The following ADAP1 variants were observed in gnomAD, a reference collection of about 807,000 sequenced individuals.
ADAP1 encodes the protein arf-GAP with dual PH domain-containing protein 1.
A neutral mutation model predicts 54.9 loss-of-function variants in ADAP1; 31 were observed. The observed-to-expected ratio is 0.56, with a 90% CI of 0.42 to 0.76. The LOEUF (loss-of-function observed/expected upper bound fraction) is 0.76. Ranked by LOEUF, ADAP1 falls within the 30% of genes least tolerant of loss-of-function variation. The probability of loss-of-function intolerance (pLI) is 0.00; values close to 1 mark genes in which losing one functional copy is unlikely to be tolerated. For synonymous variants in ADAP1, 313 were observed against 202.6 expected, an observed-to-expected ratio of 1.55 and a Z score of -4.63; for missense variants, 535 against 512.4, an observed-to-expected ratio of 1.04 and a Z score of -0.42.
chr7:910,331 C>G (rs965893240), intron 4 of ADAP1, among the ~76,000 whole-genome samples: 1 of 152,076 alleles, frequency 6.6e-6, no homozygotes, highest in Non-Finnish European at 1.5e-5. Context: ...CTCACTGCAG[C>G]CTTGACCTTC....
intron 4 of ADAP1, among the ~76,000 whole-genome samples, chr7:909,593 G>A (rs1418157132): frequency 6.6e-6 from 1 of 152,214 alleles, no homozygotes; most frequent in East Asian, 1.9e-4. Context: ...CCTTGGCCTC[G>A]CTGGGGAGGG....
At position 926,502 on chromosome 7, in the gene ADAP1, G is replaced by C. The variant is rs373427042; in HGVS notation, c.305+51C>G. On this transcript the variant is annotated intron_variant, in intron 3 of 10. Transcript: ENST00000265846. This position sits in a 1 kb window ranked among gnomAD's most constrained non-coding sequence, Gnocchi z 4.6. Reference sequence around the variant, plus strand: ...TGCCGGGTCCTCCCGGGGCCATCTCGGAGCCACCCAGCACTTGACCATGGC... The same window carrying C: ...TGCCGGGTCCTCCCGGGGCCATCTCCGAGCCACCCAGCACTTGACCATGGC... 1.7e-3 allele frequency: 2,461 copies of C among 1,458,982 alleles called. 6 individuals are homozygous for C. The highest frequency in any genetic ancestry group is 2.1e-3 in the Non-Finnish European group (2,356 of 1,099,758). 90.4% of individuals were successfully genotyped at this position (1,458,982 alleles called of 1,614,324 possible). A position where few individuals can be genotyped will look rare whatever the true frequency, so the allele number is the denominator to read the frequency against.
At chr7:943,407 G>GT in intron 1 of ADAP1, among the ~76,000 whole-genome samples, 2 of 14,368 alleles carry the variant, frequency 1.4e-4, no homozygotes, top group Non-Finnish European at 2.7e-4. Flanking sequence ...GGAAGGGAGT[G>GT]AGGAGGAAGG....
chr7:934,727 C>A (rs112552660), intron 2 of ADAP1, among the ~76,000 whole-genome samples: 3,262 of 152,290 alleles, frequency 0.021, 115 homozygotes, highest in African/African-American at 0.073. Flanking sequence ...CCTCCCTGCA[C>A]GCCAGGGCTT....
upstream of ADAP1, chr7:954,825 C>A (rs1847348654): frequency 3.2e-6 from 2 of 620,018 alleles, no homozygotes; most frequent in African/African-American, 2.1e-5. Flanking sequence ...GCTGGGAAAT[C>A]GCCCGCCGCC....
intron 5 of ADAP1, 31 bp downstream of exon 5, chr7:905,028 AG>A (rs1432257496): frequency 1.9e-6 from 3 of 1,585,088 alleles, no homozygotes; most frequent in African/African-American, 2.7e-5. Context: ...GCCCTGGGAC[AG>A]GCCCCCACCC....
intron 4 of ADAP1, chr7:905,401 AAAG>A: frequency 4.0e-6 from 1 of 248,246 alleles, no homozygotes; most frequent in South Asian, 5.3e-5. Flanking sequence ...GAGAAAGGAG[AAAG>A]GAGAAAGGGA....
At chr7:927,288 A>T in intron 2 of ADAP1, 1 of 1,217,414 alleles carries the variant, frequency 8.2e-7, no homozygotes, top group Non-Finnish European at 1.1e-6. Context: ...GGAGGCTGTC[A>T]CGCACACTGT....
At chr7:955,398 A>G, upstream of ADAP1, 1 of 1,550,050 alleles carries the variant, frequency 6.5e-7, no homozygotes, top group Non-Finnish European at 8.7e-7. Context: ...CTGAAAACAA[A>G]CTGGAACATA....
chr7:932,360 GT>G, intron 2 of ADAP1, among the ~76,000 whole-genome samples: 1 of 147,892 alleles, frequency 6.8e-6, no homozygotes, highest in South Asian at 2.2e-4. Flanking sequence ...TACATTTAGG[GT>G]TTTTCCAACA....
intron 7 of ADAP1, among the ~76,000 whole-genome samples, 164 bp from the exon 8 acceptor site, chr7:900,328 C>G (rs1328797644): frequency 6.6e-6 from 1 of 152,320 alleles, no homozygotes; most frequent in Non-Finnish European, 1.5e-5. Flanking sequence ...CTTGCCACCC[C>G]TTCCCTCCCC....
intron 3 of ADAP1, chr7:923,066 CACAG>C (rs1394045646): frequency 1.3e-5 from 2 of 152,242 alleles, no homozygotes; most frequent in East Asian, 1.9e-4. Flanking sequence ...GGAATTAGGA[CACAG>C]ACAGGTACGC....
chr7:927,299 G>T lies in ADAP1; in HGVS notation c.214-655C>A, dbSNP rs1846423773. On this transcript the variant is annotated intron_variant, in intron 2 of 10. Transcript: ENST00000265846. ...TCCAGGAGGCTGTCACGCACACTGT[G>T]CTCCTGGCAGGCGCAAAGGCCCTGA... 2.3e-5 allele frequency: 27 copies of T among 1,187,982 alleles called. No homozygotes were observed. The South Asian group carries it at 3.2e-4, about 14-fold the overall frequency. The allele number at this position is 1,187,982 out of a possible 1,614,324, so 73.6% of individuals were successfully genotyped here.
rs1846382616 is a variant in ADAP1, at chr7:926,240, GC to G, written c.305+312del. Among the ~76,000 whole-genome samples the G allele has an allele frequency of 1.3e-5, 2 of 151,882 alleles. No individual in the cohort carries two copies. Among genetic ancestry groups the G allele is most frequent in the African/African-American group, 2.4e-5 (1 of 41,342 alleles). ...GCCCCTCCCGTTCCCCTCCCAGACC[GC>G]CAGGAGCACCTGGGAGGGCCCCTCA... is the stretch of plus-strand genomic sequence containing the variant. On this transcript the variant is annotated intron_variant, in intron 3 of 10. Coordinates refer to ENST00000265846, the MANE Select transcript of ADAP1 (RefSeq NM_006869.4). The surrounding 1 kb of genome is among the most constrained non-coding windows in gnomAD (Gnocchi z 4.6).
At chr7:907,125 T>G (rs892553520) in intron 4 of ADAP1, among the ~76,000 whole-genome samples, 1 of 152,142 alleles carries the variant, frequency 6.6e-6, no homozygotes, top group African/African-American at 2.4e-5. Context: ...AAAGCTCATC[T>G]GAGGGGAGTC....
chr7:902,256 CG>C (rs1238152432), intron 6 of ADAP1, among the ~76,000 whole-genome samples: 2 of 148,966 alleles, frequency 1.3e-5, no homozygotes, highest in Admixed American at 1.3e-4. Flanking sequence ...GTCGGGAGCT[CG>C]AGACCAGCCT....
In ADAP1 at chr7:926,714, T is replaced by C. The variant is rs1160400932; in HGVS notation, c.214-70A>G. Reference sequence around the variant, plus strand: ...GCAGCCTAGGAGGTGCCAGCTGCCCTTGGGGCCGTCACCACAGTGACCCGC... The same window carrying C: ...GCAGCCTAGGAGGTGCCAGCTGCCCCTGGGGCCGTCACCACAGTGACCCGC... On this transcript the variant is annotated intron_variant, in intron 2 of 10. Coordinates refer to ENST00000265846, the MANE Select transcript of ADAP1 (RefSeq NM_006869.4). The surrounding 1 kb of genome is among the most constrained non-coding windows in gnomAD (Gnocchi z 4.6). 7.7e-7 allele frequency: 1 copy of C among 1,295,398 alleles called. No individual in the cohort carries two copies. Among genetic ancestry groups the C allele is most frequent in the East Asian group, 2.8e-5 (1 of 35,830 alleles). 80.2% of individuals were successfully genotyped at this position (1,295,398 alleles called of 1,614,324 possible). A position where few individuals can be genotyped will look rare whatever the true frequency, so the allele number is the denominator to read the frequency against.
intron 4 of ADAP1, among the ~76,000 whole-genome samples, chr7:919,272 C>T (rs969110204): frequency 1.3e-5 from 2 of 152,206 alleles, no homozygotes; most frequent in African/African-American, 4.8e-5. Context: ...AGGTCCTGCC[C>T]ACACTGCTGG....
chr7:954,378 C>A lies in ADAP1; in HGVS notation c.82+18G>T. 1 of 1,079,032 alleles carries A rather than the reference C, an allele frequency of 9.3e-7. No homozygotes were observed. The highest frequency in any genetic ancestry group is 2.7e-5 in the South Asian group (1 of 37,210). The allele number at this position is 1,079,032 out of a possible 1,614,324, so 66.8% of individuals were successfully genotyped here. On this transcript the variant is annotated intron_variant, in intron 1 of 10. Transcript: ENST00000265846. Reference sequence around the variant, plus strand: ...CCCCGGACCCACCCGGCCCCGCGCCCACCCGGCCCACACCTACCCGGGGCG... The same window carrying A: ...CCCCGGACCCACCCGGCCCCGCGCCAACCCGGCCCACACCTACCCGGGGCG...
Sources: gnomAD v4.1 joint callset for allele counts (sites outside exome capture counted in the v4.1 genomes callset) on GRCh38, gnomAD v4.1.1 for gene constraint, Gnocchi (gnomAD v3.1) non-coding constraint, MANE v1.5 for transcripts, NCBI Gene and HGNC (gene_info 2026-07-23, HGNC 2026-07-21) for gene names.